The following XYLT1 variants were observed in gnomAD, a reference collection of about 807,000 sequenced individuals.
XYLT1 encodes the protein xylosyltransferase 1.
XYLT1 carries 36 observed loss-of-function variants against 91.3 expected under a neutral mutation model. The observed-to-expected ratio is 0.39, with a 90% CI of 0.30 to 0.52. The LOEUF (loss-of-function observed/expected upper bound fraction) is 0.52. XYLT1 is among the 20% of genes least tolerant of loss of function. The pLI, the probability that XYLT1 is intolerant of heterozygous loss-of-function variation, is 0.68. For missense variants in XYLT1, 1,242 were observed against 1,284.5 expected (o/e 0.97, Z 0.51); for synonymous variants, 588 against 532.0 (o/e 1.11, Z -1.45).
chr16:17,385,261 AACACACAT>A (rs1188099144), intron 1 of XYLT1, among the ~76,000 whole-genome samples: 2,809 of 108,152 alleles, frequency 0.026, 86 homozygotes, highest in African/African-American at 0.089. Context: ...AACACACATA[AACACACAT>A]ACACACACAC....
At chr16:17,318,864 T>C (rs2034675303) in intron 2 of XYLT1, among the ~76,000 whole-genome samples, 3 of 150,702 alleles carry the variant, frequency 2.0e-5, no homozygotes, top group South Asian at 4.2e-4. Flanking sequence ...CTCAGCTCCC[T>C]GCAACCTCTG....
At position 17,390,213 on chromosome 16, in the gene XYLT1, G is replaced by A. The variant is rs554769032; in HGVS notation, c.364-32163C>T. Reference sequence around the variant, plus strand: ...GAGTACAAGGAATATAGGGCCCTGAGCCGAACCAAAAGAGAACAAATTCCT... The same window carrying A: ...GAGTACAAGGAATATAGGGCCCTGAACCGAACCAAAAGAGAACAAATTCCT... On this transcript the variant is annotated intron_variant, in intron 1 of 11. Coordinates refer to ENST00000261381, the MANE Select transcript of XYLT1 (RefSeq NM_022166.4). Among the ~76,000 whole-genome samples, 16 of 152,224 alleles carry A rather than the reference G, an allele frequency of 1.1e-4. No individual in the cohort carries two copies. In the South Asian group the frequency reaches 3.1e-3, roughly 30 times the overall value.
chr16:17,306,752 T>C (rs1321347240), intron 2 of XYLT1, among the ~76,000 whole-genome samples: 2 of 152,180 alleles, frequency 1.3e-5, no homozygotes, highest in Non-Finnish European at 2.9e-5. Flanking sequence ...TTTGGTAAGA[T>C]TAAACATCCA....
chr16:17,310,474 A>G (rs1446711650), intron 2 of XYLT1, among the ~76,000 whole-genome samples: 1 of 152,206 alleles, frequency 6.6e-6, no homozygotes, highest in African/African-American at 2.4e-5. Flanking sequence ...GCCTGAGAGC[A>G]GGAATTGCAT....
intron 8 of XYLT1, among the ~76,000 whole-genome samples, chr16:17,137,933 T>A (rs907084781): frequency 1.8e-4 from 27 of 152,054 alleles, no homozygotes; most frequent in African/African-American, 6.5e-4. Context: ...ATGGCAAGAG[T>A]TCTGAGGTTG....
chr16:17,327,484 T>A (rs937947319), intron 2 of XYLT1, among the ~76,000 whole-genome samples: 1 of 148,762 alleles, frequency 6.7e-6, no homozygotes, highest in Admixed American at 6.8e-5. Flanking sequence ...TGCCTCAGCC[T>A]CTGGAGTAGC....
chr16:17,201,680 G>A (rs1392118543), intron 3 of XYLT1, among the ~76,000 whole-genome samples: 1 of 152,014 alleles, frequency 6.6e-6, no homozygotes, highest in Non-Finnish European at 1.5e-5. Flanking sequence ...TCATCATGTT[G>A]GCCAGGCTGG....
intron 2 of XYLT1, among the ~76,000 whole-genome samples, chr16:17,353,453 A>T (rs541378888): frequency 6.6e-6 from 1 of 152,330 alleles, no homozygotes; most frequent in African/African-American, 2.4e-5. Flanking sequence ...GGGATCGATG[A>T]GAAAGAAAGA....
At chr16:17,232,456 T>TAC (rs2033180459) in intron 3 of XYLT1, among the ~76,000 whole-genome samples, 1 of 143,378 alleles carries the variant, frequency 7.0e-6, no homozygotes, top group Admixed American at 7.3e-5. Context: ...TATACATATA[T>TAC]ATATATATAT....
intron 1 of XYLT1, among the ~76,000 whole-genome samples, chr16:17,466,396 T>C (rs906940147): frequency 2.6e-5 from 4 of 152,170 alleles, no homozygotes; most frequent in African/African-American, 9.7e-5. Context: ...CAGACTCTTA[T>C]GTCAGAGATA....
At chr16:17,426,675 G>T (rs917784358) in intron 1 of XYLT1, among the ~76,000 whole-genome samples, 1 of 152,160 alleles carries the variant, frequency 6.6e-6, no homozygotes, top group African/African-American at 2.4e-5. Flanking sequence ...ACATAGACAC[G>T]CCCACTAAGT....
At chr16:17,386,115 A>G (rs2035745226) in intron 1 of XYLT1, among the ~76,000 whole-genome samples, 1 of 152,206 alleles carries the variant, frequency 6.6e-6, no homozygotes, top group Non-Finnish European at 1.5e-5. Context: ...ACAATTAAAA[A>G]AATCACTTAT....
intron 1 of XYLT1, among the ~76,000 whole-genome samples, chr16:17,445,555 T>G (rs1274784656): frequency 6.6e-6 from 1 of 152,206 alleles, no homozygotes; most frequent in East Asian, 1.9e-4. Flanking sequence ...CTGGGCTGCG[T>G]GGAGGCCTGG....
At chr16:17,233,433 G>A (rs527818743) in intron 3 of XYLT1, among the ~76,000 whole-genome samples, 16 of 152,210 alleles carry the variant, frequency 1.1e-4, no homozygotes, top group Non-Finnish European at 2.1e-4. Context: ...TTCTGACTGC[G>A]GAAGCGAGCA....
chr16:17,134,491 T>A lies in XYLT1; in HGVS notation c.2009A>T (p.Asp670Val). ...GGCTCACCGGCAGCTGTTCTCCCCA[T>A]CCGTGTGCAGGGACGTCTCGGCCCG... ...LRRAETSLHT[D>V]GENSCRYYPM... The change falls in exon 9 of 12, where the codon GAT becomes GTT. Residue 670 changes from aspartate to valine, a missense_variant. Coordinates refer to ENST00000261381, the MANE Select transcript of XYLT1 (RefSeq NM_022166.4). 1 of 1,614,066 alleles carries A rather than the reference T, an allele frequency of 6.2e-7. No homozygotes were observed. Among genetic ancestry groups the A allele is most frequent in the Non-Finnish European group, 8.5e-7 (1 of 1,180,022 alleles).
At chr16:17,231,356 C>G (rs1257279552) in intron 3 of XYLT1, among the ~76,000 whole-genome samples, 1 of 152,136 alleles carries the variant, frequency 6.6e-6, no homozygotes, top group Non-Finnish European at 1.5e-5. Context: ...GGCCTTTCTC[C>G]CCACAGGCAG....
At chr16:17,350,527 G>C (rs1213843408) in intron 2 of XYLT1, among the ~76,000 whole-genome samples, 1 of 152,228 alleles carries the variant, frequency 6.6e-6, no homozygotes, top group African/African-American at 2.4e-5. Flanking sequence ...GCTAACTAGA[G>C]AGGCAGCAAA....
At chr16:17,184,110 G>T (rs1444562760) in intron 5 of XYLT1, among the ~76,000 whole-genome samples, 3 of 151,066 alleles carry the variant, frequency 2.0e-5, no homozygotes, top group Non-Finnish European at 2.9e-5. Context: ...AAATTCCCAG[G>T]ATGCACTTGG....
intron 7 of XYLT1, 77 bp from the exon 8 acceptor site, chr16:17,138,608 C>G: frequency 1.3e-6 from 2 of 1,536,754 alleles, no homozygotes; most frequent in Non-Finnish European, 1.8e-6. Flanking sequence ...AATGGTGAAC[C>G]CTTGCTCTGA....
Sources: allele counts gnomAD v4.1 joint callset (sites outside exome capture counted in the v4.1 genomes callset), GRCh38; gene constraint gnomAD v4.1.1; transcripts MANE v1.5; gene names NCBI Gene and HGNC (gene_info 2026-07-23, HGNC 2026-07-21).